The following EGFLAM variants were observed in gnomAD, a reference collection of about 807,000 sequenced individuals.
The protein encoded by EGFLAM is EGF like, fibronectin type III and laminin G domains, also known as pikachurin.
A neutral mutation model predicts 113.1 loss-of-function variants in EGFLAM; 79 were observed. The ratio of observed to expected loss-of-function variants is 0.70; its 90% confidence interval spans 0.58 to 0.84. The LOEUF (loss-of-function observed/expected upper bound fraction) is 0.84, where lower values mean the gene tolerates loss of function less well. EGFLAM is among the 40% of genes least tolerant of loss of function. The pLI, the probability that EGFLAM is intolerant of heterozygous loss-of-function variation, is 0.00. For synonymous variants in EGFLAM, 504 were observed against 487.6 expected (o/e 1.03, Z -0.44); for missense variants, 1,265 against 1,291.6 (o/e 0.98, Z 0.32).
intron 17 of EGFLAM, among the ~76,000 whole-genome samples, chr5:38,442,072 T>A (rs1742554400): frequency 6.6e-6 from 1 of 152,178 alleles, no homozygotes; most frequent in African/African-American, 2.4e-5. Context: ...GGCATTTATG[T>A]TGTGTTTACT....
chr5:38,265,961 T>C (rs6873748), intron 1 of EGFLAM, among the ~76,000 whole-genome samples: 22,803 of 152,224 alleles, frequency 0.15, 2,359 homozygotes, highest in African/African-American at 0.3. Context: ...CTCTGTGTTA[T>C]GCTGATCTTC....
At chr5:38,378,605 A>C (rs1465470723) in intron 6 of EGFLAM, among the ~76,000 whole-genome samples, 2 of 152,178 alleles carry the variant, frequency 1.3e-5, no homozygotes, top group Non-Finnish European at 2.9e-5. Flanking sequence ...GCTTCCTTAC[A>C]GCTGCAGCCT....
intron 6 of EGFLAM, among the ~76,000 whole-genome samples, chr5:38,400,740 T>C (rs949747393): frequency 6.6e-6 from 1 of 152,164 alleles, no homozygotes; most frequent in Non-Finnish European, 1.5e-5. Context: ...GAGTTTGGGA[T>C]GCTGCAAAGA....
chr5:38,462,617 AAGTT>A (rs10554190), intron 20 of EGFLAM: 14,384 of 324,924 alleles, frequency 0.044, 1,872 homozygotes, highest in African/African-American at 0.28. Flanking sequence ...TCTCTAGTCT[AAGTT>A]AGGCGCTGCT....
At chr5:38,442,189 T>TA (rs2112237466) in intron 17 of EGFLAM, among the ~76,000 whole-genome samples, 1 of 151,972 alleles carries the variant, frequency 6.6e-6, no homozygotes, top group Non-Finnish European at 1.5e-5. Context: ...GAAAACTCTG[T>TA]ATATAAAACC....
intron 5 of EGFLAM, among the ~76,000 whole-genome samples, chr5:38,368,801 G>A (rs1740132738): frequency 6.6e-6 from 1 of 151,924 alleles, no homozygotes; most frequent in Non-Finnish European, 1.5e-5. Flanking sequence ...CCATTTATCA[G>A]CTATGTGACC....
At chr5:38,377,050 C>T (rs939416180) in intron 6 of EGFLAM, among the ~76,000 whole-genome samples, 7 of 151,966 alleles carry the variant, frequency 4.6e-5, no homozygotes, top group Non-Finnish European at 1.0e-4. Context: ...TATTATGCAT[C>T]ATATTGTCTG....
intron 1 of EGFLAM, among the ~76,000 whole-genome samples, chr5:38,303,039 G>A (rs1758634131): frequency 6.6e-6 from 1 of 152,134 alleles, no homozygotes; most frequent in Admixed American, 6.5e-5. Context: ...AGGAAAGATA[G>A]GGAAGGGTTG....
intron 16 of EGFLAM, 131 bp from the exon 17 acceptor site, chr5:38,438,144 G>C: frequency 1.3e-6 from 1 of 792,738 alleles, no homozygotes; most frequent in Non-Finnish European, 1.8e-6. Flanking sequence ...AAAAAAAGTG[G>C]AAACTGGACT....
intron 6 of EGFLAM, among the ~76,000 whole-genome samples, chr5:38,382,664 T>A (rs866494249): frequency 6.6e-6 from 1 of 152,212 alleles, no homozygotes; most frequent in Non-Finnish European, 1.5e-5. Flanking sequence ...TATTAACACA[T>A]AATATTCATA....
intron 6 of EGFLAM, chr5:38,401,293 G>A (rs1741104395): frequency 6.6e-6 from 1 of 152,106 alleles, no homozygotes; most frequent in Admixed American, 6.5e-5. Flanking sequence ...CTAGGTTCCA[G>A]GTTCTTCTGA....
chr5:38,441,114 C>T (rs1742518896), intron 17 of EGFLAM, among the ~76,000 whole-genome samples: 1 of 152,144 alleles, frequency 6.6e-6, no homozygotes, highest in Non-Finnish European at 1.5e-5. Context: ...CCAAGGGGTG[C>T]ACTGAGCTCC....
chr5:38,381,819 A>G (rs191189017), intron 6 of EGFLAM, among the ~76,000 whole-genome samples: 1 of 152,316 alleles, frequency 6.6e-6, no homozygotes, highest in East Asian at 1.9e-4. Flanking sequence ...GGAGAAGGAC[A>G]GAGGAATTTA....
intron 3 of EGFLAM, among the ~76,000 whole-genome samples, chr5:38,339,839 T>C (rs958752192): frequency 2.0e-5 from 3 of 152,204 alleles, no homozygotes; most frequent in African/African-American, 7.2e-5. Context: ...TGACATGCTT[T>C]TAAGCTCAAA....
In EGFLAM at chr5:38,395,571, A is replaced by T. The variant is rs573831666; in HGVS notation, c.713-10555A>T. 2.0e-5 allele frequency among the ~76,000 whole-genome samples: 3 copies of T among 152,302 alleles called. No individual in the cohort carries two copies. The East Asian group carries it at 5.8e-4, about 29-fold the overall frequency. ...TGGTTTGAACAACTTGCCCATCTGA[A>T]TACCTAAAGGAGAATTGAACCATGG... On this transcript the variant is annotated intron_variant, in intron 6 of 21. Transcript: ENST00000322350.
chr5:38,375,198 T>C (rs984985300), intron 6 of EGFLAM, among the ~76,000 whole-genome samples: 3 of 152,026 alleles, frequency 2.0e-5, no homozygotes, highest in Non-Finnish European at 4.4e-5. Flanking sequence ...GTAAAACATA[T>C]ATGTGCACTG....
intron 6 of EGFLAM, among the ~76,000 whole-genome samples, chr5:38,385,808 C>T (rs964456605): frequency 6.6e-5 from 10 of 152,158 alleles, no homozygotes; most frequent in Non-Finnish European, 1.2e-4. Flanking sequence ...TACAGTAATG[C>T]GTTGCTTAAC....
At chr5:38,378,405 A>C (rs1265866016) in intron 6 of EGFLAM, among the ~76,000 whole-genome samples, 1 of 152,170 alleles carries the variant, frequency 6.6e-6, no homozygotes, top group East Asian at 1.9e-4. Context: ...TCATAGAGCC[A>C]CAGAATAGAT....
At chr5:38,325,781 G>A (rs1220552632) in intron 1 of EGFLAM, among the ~76,000 whole-genome samples, 2 of 151,996 alleles carry the variant, frequency 1.3e-5, no homozygotes, top group African/African-American at 4.8e-5. Flanking sequence ...TACTTCATGA[G>A]GATAAAATCC....
Sources: gnomAD v4.1 joint callset for allele counts (sites outside exome capture counted in the v4.1 genomes callset) on GRCh38, gnomAD v4.1.1 for gene constraint, MANE v1.5 for transcripts, NCBI Gene and HGNC (gene_info 2026-07-23, HGNC 2026-07-21) for gene names.